Variants in ZFHX3 observed in about 807,000 individuals in gnomAD.
ZFHX3 encodes zinc finger homeobox 3, also known as zinc finger homeobox protein 3.
A neutral mutation model predicts 279.1 loss-of-function variants in ZFHX3; 42 were observed. That is an observed-to-expected ratio of 0.15 (90% CI 0.12 to 0.19). The LOEUF is 0.19. Ranked by LOEUF, ZFHX3 falls within the 10% of genes least tolerant of loss-of-function variation. ZFHX3 has a pLI of 1.00. For missense variants in ZFHX3, 4,981 were observed against 4,754.0 expected, an observed-to-expected ratio of 1.05 and a Z score of -1.40; for synonymous variants, 2,293 against 1,957.8, an observed-to-expected ratio of 1.17 and a Z score of -4.52.
At position 72,796,091 on chromosome 16, in the gene ZFHX3, G is replaced by A. The variant is rs759303423; in HGVS notation, c.6591C>T (p.Leu2197=). Residue 2197 remains leucine (L), a synonymous_variant, in exon 9 of 10, where the codon CTC becomes CTT. Transcript: ENST00000268489. ...KVIKHWFRNT[L]FKERQRNKDS... The stretch of plus-strand genomic sequence containing the variant: ...CCTTGTTACGCTGCCTCTCTTTGAA[G>A]AGAGTGTTCCTGAACCAGTGCTTGA... 2.4e-5 allele frequency: 38 copies of A among 1,614,100 alleles called. No individual in the cohort carries two copies. The highest frequency in any genetic ancestry group is 1.6e-4 in the Middle Eastern group (1 of 6,084).
intron 4 of ZFHX3, among the ~76,000 whole-genome samples, chr16:72,831,755 C>A (rs542821691): frequency 6.6e-6 from 1 of 152,306 alleles, no homozygotes; most frequent in Admixed American, 6.5e-5. Context: ...AATATTATTG[C>A]ATTCGGTCTA....
intron 1 of ZFHX3, among the ~76,000 whole-genome samples, chr16:73,013,046 AT>A (rs1269061635): frequency 1.3e-5 from 2 of 152,144 alleles, no homozygotes; most frequent in Non-Finnish European, 2.9e-5. Flanking sequence ...GCAACTGGAC[AT>A]TTCATCTGGG....
intron 1 of ZFHX3, among the ~76,000 whole-genome samples, chr16:73,683,549 T>A (rs2053048712): frequency 1.3e-5 from 2 of 150,304 alleles, no homozygotes; most frequent in South Asian, 2.1e-4. Context: ...GTTTTGGGAT[T>A]TTTTTTTTTA....
In ZFHX3 at chr16:72,795,440, C is replaced by T. The variant is rs745783465; in HGVS notation, c.7242G>A (p.Glu2414=). Residue 2414 remains glutamate (E), a synonymous_variant, in exon 9 of 10, where the codon GAG becomes GAA. Transcript: ENST00000268489. ...SAFLQLTAEA[E]ELATFNSKTE... ...TTTTTGAATTGAAGGTGGCCAGTTC[C>T]TCAGCCTCCGCTGTAAGCTGCAAGA... is the stretch of plus-strand genomic sequence containing the variant. 5.6e-6 allele frequency: 9 copies of T among 1,614,064 alleles called. No individual in the cohort carries two copies. The East Asian group carries it at 6.7e-5, about 12-fold the overall frequency.
At chr16:73,506,253 A>G in intron 2 of ZFHX3, among the ~76,000 whole-genome samples, 1 of 152,170 alleles carries the variant, frequency 6.6e-6, no homozygotes, top group East Asian at 1.9e-4. Context: ...AAATGCTACT[A>G]GTTTCAAAAC....
intron 7 of ZFHX3, among the ~76,000 whole-genome samples, chr16:73,129,689 C>T (rs1054829469): frequency 1.5e-4 from 21 of 140,502 alleles, no homozygotes; most frequent in Admixed American, 6.2e-4. Context: ...CATGTGTGCG[C>T]GCATGTGCAT....
chr16:73,758,480 T>C (rs550234493), intron 1 of ZFHX3, among the ~76,000 whole-genome samples: 1 of 152,210 alleles, frequency 6.6e-6, no homozygotes, highest in Non-Finnish European at 1.5e-5. Context: ...TTTACTCAGC[T>C]GATAACAGGG....
At chr16:73,748,858 G>A (rs997165415) in intron 1 of ZFHX3, among the ~76,000 whole-genome samples, 8 of 151,874 alleles carry the variant, frequency 5.3e-5, no homozygotes, top group East Asian at 1.9e-4. Flanking sequence ...CGCAGTCTTC[G>A]CTCACTGCAA....
intron 3 of ZFHX3, among the ~76,000 whole-genome samples, chr16:72,948,231 C>T (rs1960800671): frequency 6.6e-6 from 1 of 152,200 alleles, no homozygotes; most frequent in Admixed American, 6.5e-5. Flanking sequence ...GGCAATTCTG[C>T]CCTGAACCTC....
At chr16:73,353,432 C>T (rs189766896) in intron 3 of ZFHX3, among the ~76,000 whole-genome samples, 1 of 152,278 alleles carries the variant, frequency 6.6e-6, no homozygotes, top group East Asian at 1.9e-4. Context: ...ATTTCTGAAG[C>T]CCAAACTAAC....
chr16:73,586,742 T>G (rs771120774), intron 2 of ZFHX3, among the ~76,000 whole-genome samples: 4 of 152,146 alleles, frequency 2.6e-5, no homozygotes, highest in Admixed American at 2.6e-4. Context: ...AACAAATATA[T>G]GGAGGATCTG....
chr16:73,231,282 T>C (rs2144930837), intron 5 of ZFHX3, among the ~76,000 whole-genome samples: 1 of 152,220 alleles, frequency 6.6e-6, no homozygotes, highest in African/African-American at 2.4e-5. Flanking sequence ...TCTTGTCGTT[T>C]AGCTTCACAC....
chr16:73,629,215 TCTC>T (rs2052446009), intron 2 of ZFHX3, among the ~76,000 whole-genome samples: 1 of 152,160 alleles, frequency 6.6e-6, no homozygotes, highest in African/African-American at 2.4e-5. Context: ...GTGTAATCCA[TCTC>T]CTGCTGCACA....
intron 2 of ZFHX3, among the ~76,000 whole-genome samples, chr16:73,678,230 C>G (rs935211551): frequency 2.6e-5 from 4 of 152,080 alleles, no homozygotes. Context: ...GTGTTACACG[C>G]ATGTGTGAAC....
At chr16:72,822,159 G>A (rs1203127832) in intron 5 of ZFHX3, among the ~76,000 whole-genome samples, 2 of 152,130 alleles carry the variant, frequency 1.3e-5, no homozygotes, top group South Asian at 2.1e-4. Flanking sequence ...GATTGTTAAC[G>A]AAACATCTAA....
At chr16:73,429,962 A>C (rs2017883669) in intron 3 of ZFHX3, among the ~76,000 whole-genome samples, 1 of 152,068 alleles carries the variant, frequency 6.6e-6, no homozygotes, top group South Asian at 2.1e-4. Context: ...ATCTCTGCTC[A>C]CTGCAGCCTT....
chr16:73,866,588 A>C (rs181668703), intron 1 of ZFHX3, among the ~76,000 whole-genome samples: 17 of 152,142 alleles, frequency 1.1e-4, no homozygotes, highest in Non-Finnish European at 2.1e-4. Context: ...TCCTTCTCTC[A>C]TTATTTACTC....
chr16:73,255,343 C>A (rs2013633114), intron 5 of ZFHX3, among the ~76,000 whole-genome samples: 1 of 152,158 alleles, frequency 6.6e-6, no homozygotes, highest in Admixed American at 6.5e-5. Flanking sequence ...ACAAATAAAT[C>A]AACCCCAAAT....
chr16:72,862,573 A>G (rs1169655723), intron 4 of ZFHX3, among the ~76,000 whole-genome samples: 1 of 152,234 alleles, frequency 6.6e-6, no homozygotes, highest in Non-Finnish European at 1.5e-5. Flanking sequence ...GGCTAATAAC[A>G]TCACAAAACA....
Sources: allele counts gnomAD v4.1 joint callset (sites outside exome capture counted in the v4.1 genomes callset), GRCh38; gene constraint gnomAD v4.1.1; transcripts MANE v1.5; gene names NCBI Gene and HGNC (gene_info 2026-07-23, HGNC 2026-07-21).